PEPD: variants seen among roughly 807,000 people sequenced by gnomAD.
PEPD encodes the protein peptidase D.
A neutral mutation model predicts 60.7 loss-of-function variants in PEPD; 53 were observed. The ratio of observed to expected loss-of-function variants is 0.87; its 90% CI spans 0.70 to 1.10. The LOEUF is 1.10. Among genes scored for constraint, PEPD ranks in the 50% least tolerant of loss-of-function variants. PEPD has a pLI of 0.00. For synonymous variants in PEPD, 267 were observed against 284.1 expected (o/e 0.94, Z 0.60); for missense variants, 711 against 711.9 (o/e 1.00, Z 0.01).
chr19:33,435,481 G>A (rs1381746748), intron 9 of PEPD, among the ~76,000 whole-genome samples: 1 of 152,254 alleles, frequency 6.6e-6, no homozygotes, highest in Non-Finnish European at 1.5e-5. Flanking sequence ...GGAGGTGAGG[G>A]GCGCCGAGCC....
intron 11 of PEPD, among the ~76,000 whole-genome samples, chr19:33,409,729 G>T (rs890851571): frequency 6.6e-6 from 1 of 152,318 alleles, no homozygotes; most frequent in East Asian, 1.9e-4. Flanking sequence ...TCCACGGTGT[G>T]GGGGCAGGGC....
intron 9 of PEPD, among the ~76,000 whole-genome samples, chr19:33,451,513 T>C (rs766348702): frequency 6.6e-6 from 1 of 152,114 alleles, no homozygotes; most frequent in Non-Finnish European, 1.5e-5. Context: ...ATAGAAAAAC[T>C]TTTTTAAAGC....
intron 5 of PEPD, among the ~76,000 whole-genome samples, chr19:33,491,835 C>G (rs1411533080): frequency 6.6e-6 from 1 of 152,080 alleles, no homozygotes; most frequent in Non-Finnish European, 1.5e-5. Flanking sequence ...CCAGTATAAG[C>G]ACATCAGGGC....
chr19:33,393,269 C>T lies in PEPD; in HGVS notation c.968-1790G>A, dbSNP rs1469223615. ...CTGGGGTCTGGCGTGGGGGAGGGCCCGGGGTCTGGGGTCTGGCGTGGGGGA... is the reference window on the plus strand; with the variant it reads ...CTGGGGTCTGGCGTGGGGGAGGGCCTGGGGTCTGGGGTCTGGCGTGGGGGA... On this transcript the variant is annotated intron_variant, in intron 12 of 14. Transcript: ENST00000244137. Among the ~76,000 whole-genome samples, 9 of 137,968 alleles carry T rather than the reference C, an allele frequency of 6.5e-5. 1 individual carries two copies. The highest frequency in any genetic ancestry group is 2.0e-4 in the African/African-American group (7 of 35,684). The allele number at this position is 137,968 out of a possible 152,430, so 90.5% of individuals were successfully genotyped here.
chr19:33,487,942 GGGGAAGCCCA>G (rs1478956904), intron 6 of PEPD, among the ~76,000 whole-genome samples: 1 of 152,012 alleles, frequency 6.6e-6, no homozygotes, highest in Non-Finnish European at 1.5e-5. Flanking sequence ...TGAGGGCCCT[GGGGAAGCCCA>G]GGGCCCCACC....
At chr19:33,398,985 C>A (rs1181516589) in intron 12 of PEPD, among the ~76,000 whole-genome samples, 1 of 152,266 alleles carries the variant, frequency 6.6e-6, no homozygotes, top group African/African-American at 2.4e-5. Context: ...GTGGCAGCTC[C>A]TTTTTGTTTG....
In PEPD at chr19:33,521,745, C is replaced by T. The variant is rs774320647; in HGVS notation, c.16G>A (p.Gly6Arg). ...GAGCGAGGGAGGCGCAGCACTCACC[C>T]GGTGGCCGCCGCCATGTTCGCCCGG... is the stretch of plus-strand genomic sequence containing the variant. Reference protein sequence around the residue: MAAATGPSFWLGNETL... With the variant: MAAATRPSFWLGNETL... The change falls in exon 1 of 15, where the codon GGA becomes AGA. Residue 6 changes from glycine to arginine, a missense_variant and splice_region_variant. By Grantham distance (125) the Gly-to-Arg change is moderately radical. Transcript: ENST00000244137. 22 of 1,554,598 alleles carry T rather than the reference C, an allele frequency of 1.4e-5. 1 individual carries two copies. The South Asian group carries it at 2.2e-4, about 16-fold the overall frequency.
intron 9 of PEPD, among the ~76,000 whole-genome samples, chr19:33,414,115 G>C (rs751214742): frequency 2.0e-5 from 3 of 152,244 alleles, no homozygotes; most frequent in Non-Finnish European, 4.4e-5. Context: ...CACCCGGGGA[G>C]AGGGCACAGG....
chr19:33,431,252 G>A (rs993966530), intron 9 of PEPD, among the ~76,000 whole-genome samples: 5 of 152,030 alleles, frequency 3.3e-5, no homozygotes, highest in African/African-American at 1.2e-4. Flanking sequence ...CTTCCCGAAG[G>A]AAGGAAGAGA....
chr19:33,496,611 A>T (rs1970608299), intron 4 of PEPD, among the ~76,000 whole-genome samples: 1 of 152,216 alleles, frequency 6.6e-6, no homozygotes, highest in Admixed American at 6.5e-5. Context: ...TCCCCAGCAC[A>T]CAAGACAGCA....
intron 13 of PEPD, chr19:33,389,137 T>G (rs1968152161): frequency 6.6e-6 from 1 of 152,298 alleles, no homozygotes; most frequent in Non-Finnish European, 1.5e-5. Context: ...AGAAACAGGC[T>G]GGCTCGGCCT....
chr19:33,444,271 ACAG>A (rs1186427196), intron 9 of PEPD, among the ~76,000 whole-genome samples: 2 of 150,610 alleles, frequency 1.3e-5, no homozygotes, highest in Middle Eastern at 3.5e-3. Flanking sequence ...CCAGGCTGGG[ACAG>A]AAAGCGCAGC....
chr19:33,408,978 C>T (rs1188880171), intron 11 of PEPD, among the ~76,000 whole-genome samples: 1 of 152,254 alleles, frequency 6.6e-6, no homozygotes, highest in African/African-American at 2.4e-5. Flanking sequence ...ACTCTACTGG[C>T]TACATTTCAA....
intron 1 of PEPD, among the ~76,000 whole-genome samples, chr19:33,517,915 C>T (rs1272970796): frequency 2.0e-5 from 3 of 150,372 alleles, no homozygotes; most frequent in South Asian, 2.1e-4. Flanking sequence ...TGCAGTGAGC[C>T]GAGATCGCGC....
chr19:33,428,538 C>T (rs536650517), intron 9 of PEPD, among the ~76,000 whole-genome samples: 2 of 150,024 alleles, frequency 1.3e-5, no homozygotes, highest in African/African-American at 4.9e-5. Flanking sequence ...TGTCCACGCT[C>T]CACCTCCTGC....
chr19:33,469,893 G>C (rs1157703907), intron 7 of PEPD, among the ~76,000 whole-genome samples: 1 of 148,374 alleles, frequency 6.7e-6, no homozygotes. Flanking sequence ...CATGCTGCCA[G>C]CCCTCCCCTC....
chr19:33,514,065 T>C (rs929351488), intron 1 of PEPD, among the ~76,000 whole-genome samples: 2 of 152,056 alleles, frequency 1.3e-5, no homozygotes, highest in South Asian at 2.1e-4. Flanking sequence ...TCGGTATCTA[T>C]GGAATGAATG....
intron 11 of PEPD, among the ~76,000 whole-genome samples, chr19:33,410,185 T>C (rs77129893): frequency 0.023 from 3,535 of 152,316 alleles, 66 homozygotes; most frequent in South Asian, 0.055. Context: ...GCTTGCACCC[T>C]CAACCTGCCG....
chr19:33,489,219 G>C (rs1368665926), intron 6 of PEPD, among the ~76,000 whole-genome samples: 1 of 152,194 alleles, frequency 6.6e-6, no homozygotes, highest in East Asian at 1.9e-4. Flanking sequence ...GGCTCAGCCT[G>C]GCGCTTGGTT....
Sources: gnomAD v4.1 joint callset for allele counts (sites outside exome capture counted in the v4.1 genomes callset) on GRCh38, gnomAD v4.1.1 for gene constraint, MANE v1.5 for transcripts, NCBI Gene and HGNC (gene_info 2026-07-23, HGNC 2026-07-21) for gene names.